Variants in NEB observed in about 807,000 individuals in gnomAD.
NEB encodes the protein nemaline myopathy type 2.
NEB carries 512 observed loss-of-function variants against 952.2 expected under a neutral mutation model. That is an observed-to-expected ratio of 0.54 (90% CI 0.50 to 0.58). NEB has a LOEUF of 0.58. NEB is among the 20% of genes least tolerant of loss of function. The pLI is 0.00. For synonymous variants in NEB, 2,900 were observed against 3,149.8 expected (o/e 0.92, Z 2.66); for missense variants, 8,428 against 9,231.1 (o/e 0.91, Z 3.56).
rs1575122070 is a variant in NEB, at chr2:151,650,354, C to T, written c.7253G>A (p.Trp2418Ter). Residue 2418 changes from tryptophan (W) to a stop codon, truncating the protein, a stop_gained, in exon 54 of 182, where the codon TGG (tryptophan) becomes TAG (stop). Transcript: ENST00000397345. LOFTEE classifies it high-confidence loss of function. ...GGGACTCCATCCTATGCCTCTCAGCCACTCAAGGTCAGATTTATATAGATT... is the reference window on the plus strand; with the variant it reads ...GGGACTCCATCCTATGCCTCTCAGCTACTCAAGGTCAGATTTATATAGATT... Reference protein sequence around the residue: ...SENLYKSDLEWLRGIGWSPLG... With the variant: ...SENLYKSDLE The T allele has an allele frequency of 6.2e-7, 1 of 1,613,876 alleles. No homozygotes were observed. The highest frequency in any genetic ancestry group is 8.5e-7 in the Non-Finnish European group (1 of 1,179,814).
intron 166 of NEB, 67 bp downstream of exon 166, chr2:151,503,282 A>G: frequency 2.5e-6 from 3 of 1,206,750 alleles, no homozygotes; most frequent in Non-Finnish European, 2.4e-6. Context: ...CTTTCTTTAA[A>G]AAAGATGGGT....
intron 2 of NEB, 144 bp from the exon 3 acceptor site, chr2:151,733,329 TA>T: frequency 1.6e-6 from 1 of 612,948 alleles, no homozygotes; most frequent in Non-Finnish European, 2.7e-6. Flanking sequence ...AGAAGACATT[TA>T]AAATACAAGT....
intron 128 of NEB, 38 bp downstream of exon 128, chr2:151,552,634 T>C (rs1391159227): frequency 1.4e-6 from 2 of 1,474,196 alleles, no homozygotes; most frequent in African/African-American, 2.8e-5. Flanking sequence ...TGGCCCTGCT[T>C]TATTACTGTC....
rs369331223 is a variant in NEB, at chr2:151,697,296, C to G, written c.1366-44G>C. ...AGGCATAAGATGCAGCCATTGTATT[C>G]ATGCCCTGAGAAAAATGTTATTTGG... On this transcript the variant is annotated intron_variant, in intron 15 of 181. Coordinates refer to ENST00000397345, the MANE Select transcript of NEB (RefSeq NM_001164508.2). The G allele has an allele frequency of 1.3e-5, 21 of 1,608,018 alleles. 1 individual carries two copies. In the South Asian group the frequency reaches 2.2e-4, roughly 17 times the overall value.
chr2:151,650,127 C>T, intron 54 of NEB, 49 bp downstream of exon 54: 1 of 1,558,442 alleles, frequency 6.4e-7, no homozygotes, highest in Non-Finnish European at 8.8e-7. Flanking sequence ...ATTGAGCAAA[C>T]ACTAGGTAGC....
intron 34 of NEB, 53 bp from the exon 35 acceptor site, chr2:151,675,444 T>C: frequency 8.1e-7 from 1 of 1,229,594 alleles, no homozygotes; most frequent in Non-Finnish European, 1.2e-6. Flanking sequence ...ATTAATTGTT[T>C]GCTTTAAAGA....
At chr2:151,691,726 C>A in intron 23 of NEB, 138 bp downstream of exon 23, 1 of 697,622 alleles carries the variant, frequency 1.4e-6, no homozygotes, top group South Asian at 1.8e-5. Flanking sequence ...TCCCCGGTTC[C>A]ACCCCAAAAC....
At position 151,691,892 on chromosome 2, in the gene NEB, G is replaced by A. The variant is rs752540640; in HGVS notation, c.2183C>T (p.Ala728Val). The A allele has an allele frequency of 8.1e-6, 13 of 1,601,834 alleles. No individual in the cohort carries two copies. The highest frequency in any genetic ancestry group is 4.5e-5 in the East Asian group (2 of 44,738). The change falls in exon 23 of 182, where the codon GCA becomes GTA. Residue 728 changes from alanine to valine, a missense_variant. Physicochemically the swap from Ala to Val is moderately conservative, Grantham distance 64 (BLOSUM62 0). This residue lies in a region of NEB where 2,851 missense variants were observed against 2,791.5 expected (regional missense o/e 1.02). Transcript: ENST00000397345. Reference sequence around the variant, plus strand: ...TTTACACTGGTCCAGCTTCTTGATTGCTTCATATTCTTGTGTTATTGTCTG... The same window carrying A: ...TTTACACTGGTCCAGCTTCTTGATTACTTCATATTCTTGTGTTATTGTCTG... ...FPQTITQEYE[A>V]IKKLDQCKDH... is the part of the protein sequence containing the mutation.
intron 130 of NEB, 56 bp downstream of exon 130, chr2:151,549,580 T>G: frequency 1.8e-6 from 2 of 1,119,306 alleles, no homozygotes; most frequent in Non-Finnish European, 2.7e-6. Flanking sequence ...TTAATTAATA[T>G]GAGTCTCCTG....
Position 151,562,330 on chromosome 2 carries a change from C to T in NEB, c.18892-116G>A. The T allele has an allele frequency of 3.3e-6, 3 of 910,554 alleles. No homozygotes were observed. In the South Asian group the frequency reaches 4.1e-5, roughly 12 times the overall value. 56.4% of individuals were successfully genotyped at this position (910,554 alleles called of 1,614,324 possible). On this transcript the variant is annotated intron_variant, in intron 120 of 181. Transcript: ENST00000397345. ...TATTGCTTAGAAGACATAGGGTAGG[C>T]CTCTCACCAGCTGGAAGGTCTTTAA...
chr2:151,724,761 G>A, intron 7 of NEB, 96 bp downstream of exon 7: 3 of 938,008 alleles, frequency 3.2e-6, no homozygotes, highest in South Asian at 1.6e-5. Flanking sequence ...TGAGGCTGGT[G>A]GGCAGGATCA....
intron 34 of NEB, among the ~76,000 whole-genome samples, chr2:151,676,480 C>T (rs1256605685): frequency 1.3e-5 from 2 of 152,174 alleles, no homozygotes; most frequent in East Asian, 1.9e-4. Flanking sequence ...GCGGCTCCAT[C>T]GATTAAACAT....
chr2:151,601,107 T>C (rs1261582871), intron 88 of NEB, among the ~76,000 whole-genome samples: 2 of 76,562 alleles, frequency 2.6e-5, no homozygotes, highest in African/African-American at 4.6e-5. Context: ...TTTTCTTTTC[T>C]TTTTTTTTTT....
At chr2:151,712,560 T>C (rs2099748118) in intron 10 of NEB, among the ~76,000 whole-genome samples, 1 of 152,078 alleles carries the variant, frequency 6.6e-6, no homozygotes. Flanking sequence ...AGGGTGGAGA[T>C]CGAGCTCTCA....
rs1356307518 is a variant in NEB at position 151,527,022 on chromosome 2, A to C, written c.21841T>G (p.Phe7281Val). 6.3e-7 allele frequency: 1 copy of C among 1,581,400 alleles called. No individual in the cohort carries two copies. Among genetic ancestry groups the C allele is most frequent in the South Asian group, 1.1e-5 (1 of 87,026 alleles). ...AAKSSLQQSD[F>V]EYKLDREFLK... ...AACTCCCGGTCCAGCTTATATTCAA[A>C]CTGTGATAGAAGAAAGGCAGAAGAA... is the stretch of plus-strand genomic sequence containing the variant. The change falls in exon 148 of 182, where the codon TTT becomes GTT. Residue 7281 changes from phenylalanine (F) to valine (V), a missense_variant and splice_region_variant. Around this residue, in one of 11 missense-constraint regions of NEB, gnomAD observed 3,374 missense variants for 3,651.5 expected, o/e 0.92. Coordinates refer to ENST00000397345, the MANE Select transcript of NEB (RefSeq NM_001164508.2).
Position 151,733,193 on chromosome 2 carries a change from T to C in NEB, c.-29-8A>G. 1 of 1,573,720 alleles carries C rather than the reference T, an allele frequency of 6.4e-7. No homozygotes were observed. Among genetic ancestry groups the C allele is most frequent in the Non-Finnish European group, 8.7e-7 (1 of 1,153,850 alleles). On this transcript the variant is annotated splice_polypyrimidine_tract_variant and splice_region_variant and intron_variant, in intron 2 of 181. Coordinates refer to ENST00000397345, the MANE Select transcript of NEB (RefSeq NM_001164508.2). The stretch of plus-strand genomic sequence containing the variant: ...AGTAGTGGCACCTACAAACTTTTCA[T>C]ATTCCATACAAATGAAAACATATTA...
At chr2:151,709,553 G>T in intron 12 of NEB, 103 bp downstream of exon 12, 1 of 836,396 alleles carries the variant, frequency 1.2e-6, no homozygotes, top group South Asian at 1.7e-5. Context: ...GTTCCCCCAA[G>T]AACCACTCCT....
At chr2:151,619,080 T>C (rs557044334) in intron 73 of NEB, among the ~76,000 whole-genome samples, 72 of 152,354 alleles carry the variant, frequency 4.7e-4, no homozygotes, top group Non-Finnish European at 9.6e-4. Context: ...TAGCATAATA[T>C]GCTTTCCCTC....
Position 151,558,691 on chromosome 2 carries a change from C to T in NEB, c.19314+1901G>A, listed in dbSNP as rs559979682. ...CTTTGACAAATCTGACAAAAACAAG[C>T]GATGGGGAGAAGACTCCCTATTTAA... On this transcript the variant is annotated intron_variant, in intron 124 of 181. Coordinates refer to ENST00000397345, the MANE Select transcript of NEB (RefSeq NM_001164508.2). Among the ~76,000 whole-genome samples, 9 of 152,190 alleles carry T rather than the reference C, an allele frequency of 5.9e-5. No individual in the cohort carries two copies. The East Asian group carries it at 7.7e-4, about 13-fold the overall frequency.
Sources: gnomAD v4.1 joint callset for allele counts (sites outside exome capture counted in the v4.1 genomes callset) on GRCh38, gnomAD v4.1.1 for gene constraint, gnomAD v4.1.1 regional missense constraint, MANE v1.5 for transcripts, NCBI Gene and HGNC (gene_info 2026-07-23, HGNC 2026-07-21) for gene names.